The following SYK variants were observed in gnomAD, a reference collection of about 807,000 sequenced individuals.
SYK encodes the protein tyrosine-protein kinase SYK.
SYK carries 16 observed loss-of-function variants against 77.8 expected under a neutral mutation model. That is an observed-to-expected ratio of 0.21 (90% CI 0.14 to 0.31). SYK has a LOEUF of 0.31. SYK is among the 10% of genes least tolerant of loss of function. SYK has a pLI of 1.00. For synonymous variants in SYK, 312 were observed against 308.7 expected, an observed-to-expected ratio of 1.01 and a Z score of -0.11; for missense variants, 529 against 814.4, an observed-to-expected ratio of 0.65 and a Z score of 4.26.
intron 1 of SYK, among the ~76,000 whole-genome samples, chr9:90,814,941 G>T (rs1435299336): frequency 6.6e-6 from 1 of 152,166 alleles, no homozygotes; most frequent in Non-Finnish European, 1.5e-5. Flanking sequence ...CCTCCAAGCG[G>T]TAACACAGCC....
intron 1 of SYK, among the ~76,000 whole-genome samples, chr9:90,824,477 T>C (rs1081767): frequency 0.13 from 19,087 of 152,082 alleles, 1,633 homozygotes; most frequent in East Asian, 0.44. Context: ...CTCAACAAAA[T>C]GTTAGAAAAT....
At chr9:90,893,029 C>T (rs2119000604) in intron 13 of SYK, among the ~76,000 whole-genome samples, 1 of 152,350 alleles carries the variant, frequency 6.6e-6, no homozygotes, top group South Asian at 2.1e-4. Context: ...GGGTCGGTGG[C>T]CACTGCCGGA....
At chr9:90,841,823 T>C (rs964454719) in intron 1 of SYK, among the ~76,000 whole-genome samples, 6 of 149,204 alleles carry the variant, frequency 4.0e-5, no homozygotes, top group African/African-American at 1.5e-4. Flanking sequence ...GTATGTGGTG[T>C]GTATGTAGTT....
intron 1 of SYK, among the ~76,000 whole-genome samples, chr9:90,814,508 G>A (rs1825218669): frequency 6.6e-6 from 1 of 152,172 alleles, no homozygotes; most frequent in Non-Finnish European, 1.5e-5. Context: ...TATTTCCATT[G>A]CTGTAGCAAG....
intron 4 of SYK, 135 bp downstream of exon 4, chr9:90,862,479 T>G: frequency 1.1e-5 from 12 of 1,063,914 alleles, no homozygotes; most frequent in East Asian, 2.7e-5. Flanking sequence ...GCAGTAGCTC[T>G]GGAGCTCATG....
intron 1 of SYK, among the ~76,000 whole-genome samples, chr9:90,827,980 A>ATT (rs35111052): frequency 2.6e-4 from 40 of 151,956 alleles, no homozygotes; most frequent in Admixed American, 2.6e-3. Context: ...AATGCTAGCG[A>ATT]TTTTTTTTAA....
chr9:90,888,025 A>C, intron 12 of SYK, 136 bp downstream of exon 12: 2 of 1,147,236 alleles, frequency 1.7e-6, no homozygotes, highest in Non-Finnish European at 1.2e-6. Flanking sequence ...ATGTGCCCTC[A>C]GTCTATTCCA....
At chr9:90,829,264 G>A (rs1247627750) in intron 1 of SYK, among the ~76,000 whole-genome samples, 4 of 150,636 alleles carry the variant, frequency 2.7e-5, no homozygotes, top group Non-Finnish European at 4.4e-5. Context: ...ACTCCAGCTG[G>A]GGTGACAGAA....
rs770053469 is a variant in SYK at position 90,867,141 on chromosome 9, C to T, written c.857C>T (p.Ala286Val). The T allele has an allele frequency of 1.2e-6, 2 of 1,614,066 alleles. No individual in the cohort carries two copies. Among genetic ancestry groups the T allele is most frequent in the South Asian group, 1.1e-5 (1 of 91,082 alleles). Residue 286 changes from alanine to valine, a missense_variant, in exon 7 of 14, where the codon GCG becomes GTG. By Grantham distance (64) the Ala-to-Val change is moderately conservative. This residue lies in a region of SYK where 321 missense variants were observed against 433.1 expected (regional missense o/e 0.74). Coordinates refer to ENST00000375754, the MANE Select transcript of SYK (RefSeq NM_003177.7). ...LPGSHPATWSAGGIISRIKSY... is the reference protein window; with the variant it reads ...LPGSHPATWSVGGIISRIKSY... Reference sequence around the variant, plus strand: ...CGTTGTGGTTTCTAGACTTGGTCAGCGGGTGGAATAATCTCAAGAATCAAA... The same window carrying T: ...CGTTGTGGTTTCTAGACTTGGTCAGTGGGTGGAATAATCTCAAGAATCAAA...
At chr9:90,893,498 G>C (rs1388051990) in intron 13 of SYK, among the ~76,000 whole-genome samples, 2 of 152,162 alleles carry the variant, frequency 1.3e-5, no homozygotes, top group African/African-American at 4.8e-5. Flanking sequence ...GATGAAGGGA[G>C]AGAAGGAGGG....
chr9:90,856,655 G>T (rs1013216164), intron 3 of SYK, among the ~76,000 whole-genome samples: 1 of 151,738 alleles, frequency 6.6e-6, no homozygotes, highest in South Asian at 2.1e-4. Flanking sequence ...GTATCTTATT[G>T]GTTGCTAATT....
At chr9:90,819,262 A>T (rs2118389755) in intron 1 of SYK, among the ~76,000 whole-genome samples, 1 of 152,326 alleles carries the variant, frequency 6.6e-6, no homozygotes, top group African/African-American at 2.4e-5. Flanking sequence ...CTCAGTATTC[A>T]TGGCTTCTGA....
At chr9:90,821,558 TC>T in intron 1 of SYK, among the ~76,000 whole-genome samples, 1 of 152,276 alleles carries the variant, frequency 6.6e-6, no homozygotes, top group Middle Eastern at 3.4e-3. Flanking sequence ...TTCAATTACC[TC>T]CCCGTGGGTC....
chr9:90,840,923 G>C (rs1448045757), intron 1 of SYK, among the ~76,000 whole-genome samples: 1 of 152,202 alleles, frequency 6.6e-6, no homozygotes, highest in Non-Finnish European at 1.5e-5. Flanking sequence ...TCAGGCTGAT[G>C]CTCTTACATT....
intron 1 of SYK, among the ~76,000 whole-genome samples, chr9:90,831,828 T>C (rs1330147789): frequency 6.6e-6 from 1 of 152,198 alleles, no homozygotes. Flanking sequence ...AGTCCATGGT[T>C]TTTGCATTTT....
intron 1 of SYK, among the ~76,000 whole-genome samples, chr9:90,819,648 G>T (rs1210371174): frequency 6.6e-6 from 1 of 151,882 alleles, no homozygotes; most frequent in Non-Finnish European, 1.5e-5. Flanking sequence ...CCTTCCTTGG[G>T]TCCCTCCCAT....
rs1829055174 is a variant in SYK, at chr9:90,897,950, A to T, written c.*2350A>T. On this transcript the variant is annotated 3_prime_UTR_variant, in exon 14 of 14. Transcript: ENST00000375754. ...AGGTAACCTAATTGAAGGATTGGTC[A>T]TGTGAAAAGGGCTACATTTGGGAAG... 1 of 228,574 alleles carries T rather than the reference A, an allele frequency of 4.4e-6. No homozygotes were observed. The highest frequency in any genetic ancestry group is 1.8e-4 in the South Asian group (1 of 5,500). The allele number at this position is 228,574 out of a possible 1,614,324, so 14.2% of individuals were successfully genotyped here.
intron 1 of SYK, among the ~76,000 whole-genome samples, chr9:90,806,930 T>C (rs1824862543): frequency 6.6e-6 from 1 of 152,218 alleles, no homozygotes; most frequent in South Asian, 2.1e-4. Flanking sequence ...CATGAGACTT[T>C]AAGCAGATTG....
chr9:90,877,443 A>T, intron 9 of SYK, 128 bp from the exon 10 acceptor site: 1 of 984,284 alleles, frequency 1.0e-6, no homozygotes, highest in Non-Finnish European at 1.5e-6. Flanking sequence ...TTCTGAAGAC[A>T]CATTGCCACT....
Sources: allele counts gnomAD v4.1 joint callset (sites outside exome capture counted in the v4.1 genomes callset), GRCh38; gene constraint gnomAD v4.1.1; regional missense constraint gnomAD v4.1.1; transcripts MANE v1.5; gene names NCBI Gene and HGNC (gene_info 2026-07-23, HGNC 2026-07-21).